GARNL3: variants seen among roughly 807,000 people sequenced by gnomAD.
GARNL3 encodes GTPase-activating Rap/Ran-GAP domain-like protein 3.
In GARNL3, 63 loss-of-function variants were observed where a neutral mutation model predicts 125.0. The observed-to-expected ratio is 0.50, with a 90% CI of 0.41 to 0.62. GARNL3 has a LOEUF of 0.62. GARNL3 is among the 20% of genes least tolerant of loss of function. GARNL3 has a pLI of 0.00. For missense variants in GARNL3, 994 were observed against 1,244.0 expected, an observed-to-expected ratio of 0.80 and a Z score of 3.02; for synonymous variants, 439 against 457.5, an observed-to-expected ratio of 0.96 and a Z score of 0.52.
intron 1 of GARNL3, among the ~76,000 whole-genome samples, chr9:127,279,749 CA>C (rs1293805736): frequency 1.3e-5 from 2 of 152,064 alleles, no homozygotes; most frequent in Non-Finnish European, 2.9e-5. Flanking sequence ...TCATAGCCCC[CA>C]TTTTTTTTTG....
chr9:127,354,359 G>A lies in GARNL3; in HGVS notation c.1708G>A (p.Ala570Thr). The A allele has an allele frequency of 1.2e-6, 2 of 1,613,924 alleles. No homozygotes were observed. Among genetic ancestry groups the A allele is most frequent in the Non-Finnish European group, 1.7e-6 (2 of 1,179,862 alleles). Residue 570 changes from alanine (A) to threonine (T), a missense_variant, in exon 19 of 28, where the codon GCT (alanine) becomes ACT (threonine). By Grantham distance (58) the Ala-to-Thr change is moderately conservative (BLOSUM62 0). Around this residue, in one of 5 missense-constraint regions of GARNL3, gnomAD observed 728 missense variants for 865.7 expected, o/e 0.84. Coordinates refer to ENST00000373387, the MANE Select transcript of GARNL3 (RefSeq NM_032293.5). ...GCAAAAGGGCCTTGAGGGGAAGCAGGCTGGGAAGAGCAGGTCTGACTGCAG... is the reference window on the plus strand; with the variant it reads ...GCAAAAGGGCCTTGAGGGGAAGCAGACTGGGAAGAGCAGGTCTGACTGCAG... ...ALQKGLEGKQ[A>T]GKSRSDCREN...
At chr9:127,231,055 T>A (rs1180957079) in intron 1 of GARNL3, among the ~76,000 whole-genome samples, 21,454 of 80,606 alleles carry the variant, frequency 0.27, 2,728 homozygotes, top group Admixed American at 0.34. Flanking sequence ...TATATATTTT[T>A]TTTTTTTTTT....
At chr9:127,368,008 CTTTTTTTTTTTTT>C (rs10573639) in intron 22 of GARNL3, among the ~76,000 whole-genome samples, 16 of 81,912 alleles carry the variant, frequency 2.0e-4, no homozygotes, top group African/African-American at 7.6e-4. Context: ...CATAGACTTT[CTTTTTTTTTTTTT>C]TTTTTTTTTT....
intron 7 of GARNL3, among the ~76,000 whole-genome samples, chr9:127,325,712 A>T (rs946910959): frequency 2.0e-5 from 3 of 152,086 alleles, no homozygotes; most frequent in Non-Finnish European, 4.4e-5. Flanking sequence ...ACACCTCTTC[A>T]TAAAATATCC....
chr9:127,232,605 A>C (rs1326543554), intron 1 of GARNL3, among the ~76,000 whole-genome samples: 1 of 152,198 alleles, frequency 6.6e-6, no homozygotes. Context: ...CACCGTGCCC[A>C]GCCTGCATTA....
chr9:127,339,507 T>C, intron 12 of GARNL3, 138 bp from the exon 13 acceptor site: 2 of 643,252 alleles, frequency 3.1e-6, no homozygotes, highest in Non-Finnish European at 5.6e-6. Context: ...CTGGCCCCCA[T>C]GATTCAGTTA....
intron 1 of GARNL3, among the ~76,000 whole-genome samples, chr9:127,270,162 C>G (rs570169228): frequency 6.6e-6 from 1 of 152,138 alleles, no homozygotes; most frequent in African/African-American, 2.4e-5. Context: ...GTTTTCCCAG[C>G]ACCAGTGGTT....
chr9:127,259,231 C>G (rs913042379), upstream of GARNL3, among the ~76,000 whole-genome samples: 1 of 152,172 alleles, frequency 6.6e-6, no homozygotes, highest in African/African-American at 2.4e-5. Context: ...GGAAATCTGT[C>G]TAGCTTCTAC....
At chr9:127,279,192 AT>A (rs932375155) in intron 1 of GARNL3, among the ~76,000 whole-genome samples, 310 of 146,988 alleles carry the variant, frequency 2.1e-3, no homozygotes, top group East Asian at 0.015. Context: ...TTTTTCTTAC[AT>A]TTTTTTTTTC....
chr9:127,286,108 T>G (rs1315317319), intron 1 of GARNL3, among the ~76,000 whole-genome samples: 1 of 152,210 alleles, frequency 6.6e-6, no homozygotes, highest in Non-Finnish European at 1.5e-5. Flanking sequence ...AGTACTAAAC[T>G]CCTGGATAGA....
At chr9:127,321,846 C>T (rs1278077214) in intron 6 of GARNL3, among the ~76,000 whole-genome samples, 2 of 152,082 alleles carry the variant, frequency 1.3e-5, no homozygotes, top group East Asian at 3.9e-4. Context: ...CAGGGAGCAT[C>T]GTGCTCAAAT....
At chr9:127,319,623 C>G (rs913146739) in intron 5 of GARNL3, among the ~76,000 whole-genome samples, 1 of 152,164 alleles carries the variant, frequency 6.6e-6, no homozygotes, top group Non-Finnish European at 1.5e-5. Context: ...AGTTCTAAAG[C>G]CTGAGTTAAG....
chr9:127,228,167 CT>C (rs2062945483), intron 1 of GARNL3, among the ~76,000 whole-genome samples: 1 of 152,194 alleles, frequency 6.6e-6, no homozygotes, highest in Admixed American at 6.5e-5. Context: ...GCCTGGTATT[CT>C]GTCATATGGA....
intron 7 of GARNL3, 59 bp from the exon 8 acceptor site, chr9:127,332,215 A>C (rs1829297712): frequency 7.5e-7 from 1 of 1,336,510 alleles, no homozygotes; most frequent in Admixed American, 1.7e-5. Context: ...AGCCCATCTC[A>C]AAACTATATA....
At chr9:127,322,740 A>G (rs1422145608) in intron 6 of GARNL3, among the ~76,000 whole-genome samples, 1 of 152,244 alleles carries the variant, frequency 6.6e-6, no homozygotes, top group Non-Finnish European at 1.5e-5. Context: ...GTAAACAGAA[A>G]GTAAACCAAC....
intron 17 of GARNL3, 119 bp from the exon 18 acceptor site, chr9:127,353,727 C>A: frequency 1.3e-6 from 1 of 760,910 alleles, no homozygotes; most frequent in Admixed American, 1.9e-5. Context: ...GCCCTAGAAG[C>A]TGACTTCCTT....
In GARNL3 at chr9:127,303,067, C is replaced by T. The variant is rs1416210894; in HGVS notation, c.220-8569C>T. Among the ~76,000 whole-genome samples the T allele has an allele frequency of 2.6e-5, 4 of 152,050 alleles. No individual in the cohort carries two copies. In the South Asian group the frequency reaches 6.2e-4, roughly 24 times the overall value. ...TCCAGAGACTGAGGCAGGAGAATGG[C>T]GTGAACCCGGGAGGCAGAGCTTGCA... On this transcript the variant is annotated intron_variant, in intron 2 of 27. Coordinates refer to ENST00000373387, the MANE Select transcript of GARNL3 (RefSeq NM_032293.5).
At chr9:127,321,638 C>T (rs1018996963) in intron 6 of GARNL3, among the ~76,000 whole-genome samples, 1 of 152,112 alleles carries the variant, frequency 6.6e-6, no homozygotes, top group Non-Finnish European at 1.5e-5. Flanking sequence ...AAAATGTCAA[C>T]CAAACTTTTG....
At chr9:127,333,254 A>C in intron 9 of GARNL3, 133 bp downstream of exon 9, 1 of 669,526 alleles carries the variant, frequency 1.5e-6, no homozygotes, top group Non-Finnish European at 2.6e-6. Context: ...TGAGCTCCAC[A>C]CCCTGTTCAA....
Sources: allele counts gnomAD v4.1 joint callset (sites outside exome capture counted in the v4.1 genomes callset), GRCh38; gene constraint gnomAD v4.1.1; regional missense constraint gnomAD v4.1.1; transcripts MANE v1.5; gene names NCBI Gene and HGNC (gene_info 2026-07-23, HGNC 2026-07-21).